CHST4: variants seen among roughly 807,000 people sequenced by gnomAD.
CHST4 encodes carbohydrate sulfotransferase 4, also known as GST-3.
For synonymous variants in CHST4, 171 were observed against 195.5 expected, an observed-to-expected ratio of 0.87 and a Z score of 1.05; for missense variants, 466 against 506.0, an observed-to-expected ratio of 0.92 and a Z score of 0.76.
At chr16:71,532,679 T>C (rs545061983) in intron 1 of CHST4, among the ~76,000 whole-genome samples, 6 of 152,296 alleles carry the variant, frequency 3.9e-5, no homozygotes, top group Middle Eastern at 3.4e-3. Flanking sequence ...GCTACCCAAT[T>C]TCTCTCCTAA....
chr16:71,532,701 A>T (rs994783818), intron 1 of CHST4, among the ~76,000 whole-genome samples: 1 of 152,076 alleles, frequency 6.6e-6, no homozygotes, highest in Non-Finnish European at 1.5e-5. Context: ...ATCTACTCTC[A>T]CAGGTCTCTG....
rs190582546 is a variant in CHST4, at chr16:71,532,920, G to A, written c.-18-3740G>A. Among the ~76,000 whole-genome samples the A allele has an allele frequency of 8.4e-3, 1,273 of 152,238 alleles. 31 individuals carry two copies. Among genetic ancestry groups the A allele is most frequent in the Non-Finnish European group, 5.7e-3 (385 of 68,034 alleles). On this transcript the variant is annotated intron_variant, in intron 1 of 1. Coordinates refer to ENST00000539698, the MANE Select transcript of CHST4 (RefSeq NM_001166395.2). ...TGGTTAATCCATATAATACTTCTTC[G>A]AAGCAACAATGAATGAGGAACTACT...
chr16:71,531,780 T>C (rs1398140957), intron 1 of CHST4, among the ~76,000 whole-genome samples: 1 of 152,230 alleles, frequency 6.6e-6, no homozygotes, highest in Non-Finnish European at 1.5e-5. Flanking sequence ...TAAAATTCTA[T>C]CACCATTTCC....
rs1412398844 is a variant in CHST4, at chr16:71,536,854, G to T, written c.177G>T (p.Gly59=). 4.5e-6 allele frequency: 7 copies of T among 1,550,248 alleles called. No homozygotes were observed. Among genetic ancestry groups the T allele is most frequent in the Non-Finnish European group, 5.2e-6 (6 of 1,148,702 alleles). Residue 59 remains glycine (G), a synonymous_variant, in exon 2 of 2, where the codon GGG becomes GGT. Coordinates refer to ENST00000539698, the MANE Select transcript of CHST4 (RefSeq NM_001166395.2). ...GGCGCTCTGGCTCTTCTTTTGTGGG[G>T]CAGCTTTTTGGGCAGCACCCAGATG... ...SSWRSGSSFV[G]QLFGQHPDVF...
At chr16:71,533,902 C>G (rs2043967310) in intron 1 of CHST4, among the ~76,000 whole-genome samples, 1 of 151,932 alleles carries the variant, frequency 6.6e-6, no homozygotes, top group Non-Finnish European at 1.5e-5. Context: ...ATTAGCTGAG[C>G]CTGGTGGCAC....
intron 1 of CHST4, among the ~76,000 whole-genome samples, chr16:71,530,907 C>G (rs576592006): frequency 1.3e-5 from 2 of 152,012 alleles, no homozygotes; most frequent in East Asian, 1.9e-4. Flanking sequence ...ATGGCGAAAC[C>G]CTGTCTCTAC....
intron 1 of CHST4, among the ~76,000 whole-genome samples, chr16:71,532,654 A>G (rs1012435610): frequency 6.6e-6 from 1 of 152,206 alleles, no homozygotes; most frequent in African/African-American, 2.4e-5. Context: ...ATAAATGCCA[A>G]GAGTCTCCTT....
intron 1 of CHST4, among the ~76,000 whole-genome samples, chr16:71,531,553 C>G (rs761084464): frequency 1.3e-4 from 20 of 152,114 alleles, no homozygotes; most frequent in Non-Finnish European, 2.6e-4. Context: ...CTGGGAACAA[C>G]TGGGGGCAGT....
Position 71,537,817 on chromosome 16 carries a change from T to C in CHST4, c.1140T>C (p.Thr380=), listed in dbSNP as rs2044004759. 9.3e-6 allele frequency: 15 copies of C among 1,613,310 alleles called. No homozygotes were observed. Among genetic ancestry groups the C allele is most frequent in the Non-Finnish European group, 1.3e-5 (15 of 1,179,718 alleles). ...NLLLDLLSTW[T]VPEQIH ...TGCTGGATCTTCTGTCTACCTGGAC[T>C]GTCCCTGAGCAAATCCACTAAGAGG... Residue 380 remains threonine (T), a synonymous_variant, in exon 2 of 2, where the codon ACT becomes ACC. Coordinates refer to ENST00000539698, the MANE Select transcript of CHST4 (RefSeq NM_001166395.2). This position sits in a 1 kb window ranked among gnomAD's most constrained non-coding sequence, Gnocchi z 4.2.
Position 71,536,711 on chromosome 16 carries a change from T to G in CHST4, c.34T>G (p.Phe12Val), listed in dbSNP as rs762585305. Reference protein sequence around the residue: ...LLPKKMKLLLFLVSQMAILAL... With the variant: ...LLPKKMKLLLVLVSQMAILAL... ...GCCTAAAAAAATGAAGCTCCTGCTG[T>G]TTCTGGTTTCCCAGATGGCCATCTT... Residue 12 changes from phenylalanine to valine, a missense_variant, in exon 2 of 2, where the codon TTT (phenylalanine) becomes GTT (valine). Transcript: ENST00000539698. 1 of 1,496,122 alleles carries G rather than the reference T, an allele frequency of 6.7e-7. No individual in the cohort carries two copies. The highest frequency in any genetic ancestry group is 1.4e-5 in the African/African-American group (1 of 71,322). The allele number at this position is 1,496,122 out of a possible 1,614,324, so 92.7% of individuals were successfully genotyped here.
intron 1 of CHST4, among the ~76,000 whole-genome samples, chr16:71,529,184 G>A (rs1247209136): frequency 6.6e-6 from 1 of 151,280 alleles, no homozygotes; most frequent in Non-Finnish European, 1.5e-5. Context: ...ACCCAGCAAT[G>A]AGGCTTTTAT....
Position 71,538,223 on chromosome 16 carries a change from AAGAGCTCACCAG to A in CHST4, c.*386_*397del, listed in dbSNP as rs150034652. 498 of 196,958 alleles carry A rather than the reference AAGAGCTCACCAG, an allele frequency of 2.5e-3. 1 individual carries two copies. The highest frequency in any genetic ancestry group is 0.011 in the African/African-American group (477 of 42,524). The allele number at this position is 196,958 out of a possible 1,614,324, so 12.2% of individuals were successfully genotyped here. A position where few individuals can be genotyped will look rare whatever the true frequency, so the allele number is the denominator to read the frequency against. ...CCAATGGGGAATGGATCTTTCACCA[AAGAGCTCACCAG>A]CATTTTCCACAGAGATGCAAATTCT... On this transcript the variant is annotated 3_prime_UTR_variant, in exon 2 of 2. Transcript: ENST00000539698.
At position 71,537,136 on chromosome 16, in the gene CHST4, G is replaced by T; in HGVS notation, c.459G>T (p.Arg153Ser). 1 of 1,614,120 alleles carries T rather than the reference G, an allele frequency of 6.2e-7. No individual in the cohort carries two copies. The highest frequency in any genetic ancestry group is 2.2e-5 in the East Asian group (1 of 44,868). ...QDEIIPRAHC[R>S]LLCSQQPFEV... ...AAATCATCCCCCGGGCTCACTGCAG[G>T]CTCCTGTGCAGTCAACAGCCCTTTG... Residue 153 changes from arginine to serine, a missense_variant, in exon 2 of 2, where the codon AGG becomes AGT. Physicochemically the swap from Arg to Ser is moderately radical, Grantham distance 110. Coordinates refer to ENST00000539698, the MANE Select transcript of CHST4 (RefSeq NM_001166395.2). This position sits in a 1 kb window ranked among gnomAD's most constrained non-coding sequence, Gnocchi z 4.2.
Position 71,537,557 on chromosome 16 carries a change from G to T in CHST4, c.880G>T (p.Val294Leu), listed in dbSNP as rs367607749. The T allele has an allele frequency of 1.9e-6, 3 of 1,614,068 alleles. No individual in the cohort carries two copies. Among genetic ancestry groups the T allele is most frequent in the Non-Finnish European group, 2.5e-6 (3 of 1,180,054 alleles). Residue 294 changes from valine (V) to leucine (L), a missense_variant, in exon 2 of 2, where the codon GTG becomes TTG. Val to Leu is a conservative substitution (Grantham distance 32, BLOSUM62 1). Transcript: ENST00000539698. The surrounding 1 kb of genome is among the most constrained non-coding windows in gnomAD (Gnocchi z 4.2). ...VAQTSRMYEF[V>L]GLEFLPHLQT... Reference sequence around the variant, plus strand: ...CCAGACTTCCCGAATGTATGAATTCGTGGGATTGGAATTCTTGCCCCATCT... The same window carrying T: ...CCAGACTTCCCGAATGTATGAATTCTTGGGATTGGAATTCTTGCCCCATCT...
chr16:71,534,348 C>CTTTTT (rs548597955), intron 1 of CHST4, among the ~76,000 whole-genome samples: 443 of 123,062 alleles, frequency 3.6e-3, no homozygotes, highest in African/African-American at 6.7e-3. Context: ...ACATTTCTTT[C>CTTTTT]TTTTTTTTTT....
At chr16:71,526,945 G>C (rs1184459038) in intron 1 of CHST4, among the ~76,000 whole-genome samples, 1 of 152,136 alleles carries the variant, frequency 6.6e-6, no homozygotes, top group African/African-American at 2.4e-5. Flanking sequence ...AAAATTCTCA[G>C]CCCTGGGATC....
At position 71,537,078 on chromosome 16, in the gene CHST4, C is replaced by T. The variant is rs1295002367; in HGVS notation, c.401C>T (p.Ser134Phe). The T allele has an allele frequency of 6.2e-7, 1 of 1,614,162 alleles. No homozygotes were observed. The highest frequency in any genetic ancestry group is 2.2e-5 in the East Asian group (1 of 44,862). ...TGGGAGAACAGCCGGGCCCTGTGTT[C>T]TGCACCTGCCTGTGACATCATCCCA... Reference protein sequence around the residue: ...FQWENSRALCSAPACDIIPQD... With the variant: ...FQWENSRALCFAPACDIIPQD... The change falls in exon 2 of 2, where the codon TCT becomes TTT. Residue 134 changes from serine to phenylalanine, a missense_variant. Physicochemically the swap from Ser to Phe is radical, Grantham distance 155 (BLOSUM62 -2). Transcript: ENST00000539698. The surrounding 1 kb of genome is among the most constrained non-coding windows in gnomAD (Gnocchi z 4.2).
intron 1 of CHST4, among the ~76,000 whole-genome samples, chr16:71,533,469 C>T (rs1383100287): frequency 2.7e-5 from 4 of 149,962 alleles, no homozygotes; most frequent in South Asian, 4.2e-4. Context: ...TTGCTATGTG[C>T]GGCAAGTTGA....
At chr16:71,531,997 C>T (rs1481023296) in intron 1 of CHST4, among the ~76,000 whole-genome samples, 1 of 151,562 alleles carries the variant, frequency 6.6e-6, no homozygotes, top group East Asian at 1.9e-4. Flanking sequence ...AATCATTTTC[C>T]TCTTGCACTC....
Sources: gnomAD v4.1 joint callset for allele counts (sites outside exome capture counted in the v4.1 genomes callset) on GRCh38, gnomAD v4.1.1 for gene constraint, Gnocchi (gnomAD v3.1) non-coding constraint, MANE v1.5 for transcripts, NCBI Gene and HGNC (gene_info 2026-07-23, HGNC 2026-07-21) for gene names.